DPP10: variants seen among roughly 807,000 people sequenced by gnomAD.
DPP10 encodes the protein dipeptidyl peptidase like 10, also known as inactive dipeptidyl peptidase 10.
Under a neutral mutation model 120.9 loss-of-function variants are expected in DPP10, and 33 were observed. That is an observed-to-expected ratio of 0.27 (90% CI 0.21 to 0.37). The LOEUF is 0.37. Ranked by LOEUF, DPP10 falls within the 10% of genes least tolerant of loss-of-function variation. DPP10 has a pLI of 1.00. For missense variants in DPP10, 816 were observed against 942.8 expected, an observed-to-expected ratio of 0.87 and a Z score of 1.76; for synonymous variants, 337 against 326.1, an observed-to-expected ratio of 1.03 and a Z score of -0.36.
chr2:115,741,329 G>T (rs1175578871), intron 9 of DPP10, among the ~76,000 whole-genome samples: 1 of 134,574 alleles, frequency 7.4e-6, no homozygotes, highest in Non-Finnish European at 1.6e-5. Flanking sequence ...TGCTTTTTAG[G>T]AGAACATAAT....
At chr2:114,465,198 A>T (rs971768797) in intron 1 of DPP10, among the ~76,000 whole-genome samples, 1 of 152,242 alleles carries the variant, frequency 6.6e-6, no homozygotes. Context: ...TCTCACCTAT[A>T]AAATGAAGAT....
At chr2:115,520,338 A>C (rs1255633818) in intron 4 of DPP10, among the ~76,000 whole-genome samples, 2 of 152,008 alleles carry the variant, frequency 1.3e-5, no homozygotes, top group Non-Finnish European at 2.9e-5. Flanking sequence ...AAAACAAAAC[A>C]TAAAGGATAT....
intron 1 of DPP10, among the ~76,000 whole-genome samples, chr2:114,694,694 A>G (rs1356135187): frequency 6.6e-6 from 1 of 152,064 alleles, no homozygotes; most frequent in African/African-American, 2.4e-5. Context: ...ACAGAACCGT[A>G]TAAGTACAGC....
At chr2:115,547,478 T>TA (rs2079582147) in intron 5 of DPP10, among the ~76,000 whole-genome samples, 1 of 152,136 alleles carries the variant, frequency 6.6e-6, no homozygotes. Flanking sequence ...ACACTTTTCT[T>TA]AAAATGGCTT....
At chr2:115,800,498 G>A (rs1371406490) in intron 19 of DPP10, among the ~76,000 whole-genome samples, 2 of 152,172 alleles carry the variant, frequency 1.3e-5, no homozygotes, top group Non-Finnish European at 2.9e-5. Context: ...TTTTAGACAT[G>A]AAGTCCTTGC....
rs973469831 is a variant in DPP10, at chr2:115,745,130, C to T, written c.853-956C>T. ...CTTACTCACAGTGTATTTGGCAAAA[C>T]TTTGAAGGCCATTGTGTTGGAACAA... On this transcript the variant is annotated intron_variant, in intron 9 of 25. Coordinates refer to ENST00000410059, the MANE Select transcript of DPP10 (RefSeq NM_020868.6). Among the ~76,000 whole-genome samples, 3 of 150,416 alleles carry T rather than the reference C, an allele frequency of 2.0e-5. No individual in the cohort carries two copies. The South Asian group carries it at 6.3e-4, about 31-fold the overall frequency.
intron 1 of DPP10, among the ~76,000 whole-genome samples, chr2:114,637,500 T>C (rs1046030554): frequency 2.6e-5 from 4 of 151,932 alleles, no homozygotes; most frequent in Non-Finnish European, 5.9e-5. Context: ...TAGGTCCTAC[T>C]TGTCAGTTTT....
chr2:115,572,561 CTATG>C (rs1373752440), intron 5 of DPP10, among the ~76,000 whole-genome samples: 17 of 152,192 alleles, frequency 1.1e-4, no homozygotes, highest in East Asian at 7.7e-4. Flanking sequence ...TGTTTCTACT[CTATG>C]TATATACTTA....
intron 1 of DPP10, among the ~76,000 whole-genome samples, chr2:114,569,154 T>A (rs1294907609): frequency 6.6e-6 from 1 of 152,180 alleles, no homozygotes; most frequent in Admixed American, 6.5e-5. Flanking sequence ...TATGCTGACT[T>A]TTTAACACTG....
chr2:115,359,649 G>C (rs966859196), intron 3 of DPP10, among the ~76,000 whole-genome samples: 3 of 152,166 alleles, frequency 2.0e-5, no homozygotes, highest in African/African-American at 2.4e-5. Context: ...TCTTGAATTT[G>C]TGAGTTGACC....
At chr2:115,047,385 A>C (rs1446140990) in intron 1 of DPP10, among the ~76,000 whole-genome samples, 1 of 152,032 alleles carries the variant, frequency 6.6e-6, no homozygotes, top group Non-Finnish European at 1.5e-5. Flanking sequence ...TGAATATTTT[A>C]ATCACTATTA....
intron 2 of DPP10, among the ~76,000 whole-genome samples, chr2:115,333,827 C>T (rs1212917367): frequency 6.6e-6 from 1 of 152,050 alleles, no homozygotes; most frequent in Non-Finnish European, 1.5e-5. Flanking sequence ...TTGTGGATAA[C>T]CCGACCTTTC....
chr2:115,636,350 C>T lies in DPP10; in HGVS notation c.442-53337C>T, dbSNP rs568273436. On this transcript the variant is annotated intron_variant, in intron 5 of 25. Transcript: ENST00000410059. ...CAATGCATGAAGTTGCATGACAGAC[C>T]GAAAAGATATAAAGAACATTTACGT... Among the ~76,000 whole-genome samples the T allele has an allele frequency of 3.3e-5, 5 of 151,864 alleles. No homozygotes were observed. The South Asian group carries it at 6.3e-4, about 19-fold the overall frequency.
At chr2:114,902,992 C>CT (rs1254258324) in intron 1 of DPP10, among the ~76,000 whole-genome samples, 1 of 152,162 alleles carries the variant, frequency 6.6e-6, no homozygotes, top group Admixed American at 6.6e-5. Flanking sequence ...AACCACTAAT[C>CT]TTTTTATTAT....
intron 1 of DPP10, among the ~76,000 whole-genome samples, chr2:115,281,141 T>C (rs557085114): frequency 6.6e-6 from 1 of 152,344 alleles, no homozygotes; most frequent in South Asian, 2.1e-4. Flanking sequence ...TCTCCCACTG[T>C]TCACTCTAGG....
intron 1 of DPP10, among the ~76,000 whole-genome samples, chr2:114,784,208 T>C (rs1479391449): frequency 6.6e-6 from 1 of 152,074 alleles, no homozygotes; most frequent in East Asian, 1.9e-4. Context: ...ATTTTGGCTT[T>C]CTTCCCATTC....
chr2:114,727,635 A>C (rs113745452), intron 1 of DPP10, among the ~76,000 whole-genome samples: 6 of 152,154 alleles, frequency 3.9e-5, no homozygotes, highest in African/African-American at 1.4e-4. Context: ...TCAGATATTC[A>C]CTCTTAGGAA....
chr2:114,869,409 G>T (rs1167397266), intron 1 of DPP10, among the ~76,000 whole-genome samples: 4 of 152,108 alleles, frequency 2.6e-5, no homozygotes, highest in African/African-American at 7.2e-5. Flanking sequence ...ATATGAAGTG[G>T]ATTCATTTCT....
chr2:114,746,817 A>G (rs1451475190), intron 1 of DPP10, among the ~76,000 whole-genome samples: 3 of 152,196 alleles, frequency 2.0e-5, no homozygotes, highest in Non-Finnish European at 4.4e-5. Context: ...GAGTAATCAC[A>G]AGGAACAAGA....
Sources: gnomAD v4.1 joint callset for allele counts (sites outside exome capture counted in the v4.1 genomes callset) on GRCh38, gnomAD v4.1.1 for gene constraint, MANE v1.5 for transcripts, NCBI Gene and HGNC (gene_info 2026-07-23, HGNC 2026-07-21) for gene names.